The following ABI1 variants were observed in gnomAD, a reference collection of about 807,000 sequenced individuals.
ABI1 encodes the protein Abelson interactor 1.
ABI1 carries 14 observed loss-of-function variants against 54.6 expected under a neutral mutation model. That is an observed-to-expected ratio of 0.26 (90% CI 0.17 to 0.40). The LOEUF (loss-of-function observed/expected upper bound fraction) is 0.40. Ranked by LOEUF, ABI1 falls within the 10% of genes least tolerant of loss-of-function variation. The probability of loss-of-function intolerance (pLI) is 1.00; values close to 1 mark genes in which losing one functional copy is unlikely to be tolerated. For missense variants in ABI1, 443 were observed against 598.3 expected (o/e 0.74, Z 2.71); for synonymous variants, 194 against 209.3 (o/e 0.93, Z 0.63).
intron 1 of ABI1, among the ~76,000 whole-genome samples, chr10:26,832,041 G>C (rs2133924523): frequency 6.6e-6 from 1 of 152,276 alleles, no homozygotes; most frequent in Admixed American, 6.5e-5. Context: ...TCCTTAAATG[G>C]TTTGTTGTTC....
At chr10:26,785,328 A>G (rs2133073168) in intron 2 of ABI1, among the ~76,000 whole-genome samples, 1 of 152,346 alleles carries the variant, frequency 6.6e-6, no homozygotes, top group East Asian at 1.9e-4. Flanking sequence ...CCAACTTGCT[A>G]CATATGTTTG....
At chr10:26,757,725 C>T (rs1033152828) in intron 8 of ABI1, among the ~76,000 whole-genome samples, 1 of 152,056 alleles carries the variant, frequency 6.6e-6, no homozygotes, top group Non-Finnish European at 1.5e-5. Flanking sequence ...AAGTGGTTTT[C>T]AATTCTTAGG....
At chr10:26,750,604 C>G (rs966592346) in intron 10 of ABI1, among the ~76,000 whole-genome samples, 5 of 152,160 alleles carry the variant, frequency 3.3e-5, no homozygotes, top group African/African-American at 1.2e-4. Flanking sequence ...AGCTTAAAGT[C>G]CGTTAACCCA....
At chr10:26,761,640 A>ATG (rs1400743369) in intron 7 of ABI1, among the ~76,000 whole-genome samples, 15 of 115,862 alleles carry the variant, frequency 1.3e-4, no homozygotes, top group African/African-American at 4.5e-4. Flanking sequence ...ATATATATAT[A>ATG]TATATATATA....
intron 1 of ABI1, among the ~76,000 whole-genome samples, chr10:26,835,709 A>G (rs1405206468): frequency 6.6e-6 from 1 of 151,980 alleles, no homozygotes; most frequent in Non-Finnish European, 1.5e-5. Flanking sequence ...AATTTTTAAT[A>G]TTCTATTTTT....
At chr10:26,789,657 T>C (rs1016352544) in intron 2 of ABI1, among the ~76,000 whole-genome samples, 1 of 152,168 alleles carries the variant, frequency 6.6e-6, no homozygotes, top group African/African-American at 2.4e-5. Context: ...GGTACATATG[T>C]AAGATGTGTT....
At chr10:26,859,771 A>G (rs1324826273) in intron 1 of ABI1, among the ~76,000 whole-genome samples, 1 of 152,242 alleles carries the variant, frequency 6.6e-6, no homozygotes, top group Non-Finnish European at 1.5e-5. Flanking sequence ...ACATTTACTT[A>G]GCTTGTTAAG....
intron 2 of ABI1, among the ~76,000 whole-genome samples, chr10:26,817,614 GT>G (rs1216467072): frequency 6.6e-6 from 1 of 152,146 alleles, no homozygotes; most frequent in East Asian, 1.9e-4. Context: ...AAGGAAAGAA[GT>G]TTTGGAGATG....
chr10:26,831,875 G>A (rs74126856), intron 1 of ABI1, among the ~76,000 whole-genome samples: 5,628 of 152,170 alleles, frequency 0.037, 355 homozygotes, highest in African/African-American at 0.13. Context: ...AAATAACGTT[G>A]CACAGCTATT....
chr10:26,768,712 T>A, intron 6 of ABI1, 140 bp downstream of exon 6: 3 of 701,266 alleles, frequency 4.3e-6, no homozygotes, highest in Non-Finnish European at 7.1e-6. Flanking sequence ...GGAACATATA[T>A]AATATTATTC....
chr10:26,848,264 G>A (rs10082409), intron 1 of ABI1, among the ~76,000 whole-genome samples: 38,039 of 147,714 alleles, frequency 0.26, 5,552 homozygotes, highest in South Asian at 0.44. Context: ...TAGTACCAAA[G>A]TGATACATGC....
intron 2 of ABI1, among the ~76,000 whole-genome samples, chr10:26,781,175 C>T (rs1028347113): frequency 2.0e-5 from 3 of 152,214 alleles, no homozygotes; most frequent in Non-Finnish European, 2.9e-5. Flanking sequence ...GGATTCAATG[C>T]CTCCCTGACG....
chr10:26,837,810 T>C (rs2049194974), intron 1 of ABI1, among the ~76,000 whole-genome samples: 1 of 148,818 alleles, frequency 6.7e-6, no homozygotes, highest in African/African-American at 2.5e-5. Flanking sequence ...AGACAGGGTT[T>C]CCTCATGTTG....
At chr10:26,820,947 A>G (rs112128352) in intron 2 of ABI1, among the ~76,000 whole-genome samples, 13 of 152,012 alleles carry the variant, frequency 8.6e-5, no homozygotes, top group Admixed American at 6.6e-5. Context: ...TCACCTTAAT[A>G]AAGTATAAAA....
chr10:26,793,782 G>A (rs1182313938), intron 2 of ABI1, among the ~76,000 whole-genome samples: 3 of 152,190 alleles, frequency 2.0e-5, no homozygotes, highest in Admixed American at 2.0e-4. Flanking sequence ...ACCAGGTCAT[G>A]AATTTGAACT....
chr10:26,782,374 A>C (rs572380141), intron 2 of ABI1, among the ~76,000 whole-genome samples: 3 of 152,250 alleles, frequency 2.0e-5, no homozygotes, highest in East Asian at 1.9e-4. Flanking sequence ...ACAACAAAAA[A>C]AAAAACCCGA....
intron 1 of ABI1, among the ~76,000 whole-genome samples, chr10:26,848,593 T>C (rs1336149104): frequency 6.9e-6 from 1 of 144,906 alleles, no homozygotes; most frequent in Non-Finnish European, 1.5e-5. Context: ...CAGTATGCAA[T>C]ATAAGAAGAG....
chr10:26,748,134 T>G lies in ABI1; in HGVS notation c.*436A>C, dbSNP rs995508703. On this transcript the variant is annotated 3_prime_UTR_variant, in exon 11 of 11. Coordinates refer to ENST00000376140, the MANE Select transcript of ABI1 (RefSeq NM_001012750.3). ...ATGCATGCTTTAAACAAACAGTATT[T>G]TTTTTAAATGAGAGAATCTAACAAA... is the stretch of plus-strand genomic sequence containing the variant. 1 of 216,026 alleles carries G rather than the reference T, an allele frequency of 4.6e-6. No homozygotes were observed. The highest frequency in any genetic ancestry group is 9.3e-6 in the Non-Finnish European group (1 of 107,296). The allele number at this position is 216,026 out of a possible 1,614,324, so 13.4% of individuals were successfully genotyped here. A position where few individuals can be genotyped will look rare whatever the true frequency, so the allele number is the denominator to read the frequency against.
Position 26,860,151 on chromosome 10 carries a change from A to C in ABI1, c.117+596T>G, listed in dbSNP as rs2051178010. ...CCGGGAGGTCGGTGTAATGTGACTC[A>C]TGACAAATTTTTTTTAAATAAATAA... On this transcript the variant is annotated intron_variant, in intron 1 of 10. Transcript: ENST00000376140. The surrounding 1 kb of genome is among the most constrained non-coding windows in gnomAD (Gnocchi z 4.1). 6.6e-6 allele frequency among the ~76,000 whole-genome samples: 1 copy of C among 152,092 alleles called. No individual in the cohort carries two copies. The highest frequency in any genetic ancestry group is 1.5e-5 in the Non-Finnish European group (1 of 68,006).
Sources: gnomAD v4.1 joint callset for allele counts (sites outside exome capture counted in the v4.1 genomes callset) on GRCh38, gnomAD v4.1.1 for gene constraint, Gnocchi (gnomAD v3.1) non-coding constraint, MANE v1.5 for transcripts, NCBI Gene and HGNC (gene_info 2026-07-23, HGNC 2026-07-21) for gene names.